Variants in CDH13 observed in about 807,000 individuals in gnomAD.
CDH13 encodes the protein cadherin-13.
A neutral mutation model predicts 63.8 loss-of-function variants in CDH13; 24 were observed. The observed-to-expected ratio is 0.38, with a 90% CI of 0.27 to 0.53. The LOEUF is 0.53. Among genes scored for constraint, CDH13 ranks in the 20% least tolerant of loss-of-function variants. CDH13 has a pLI of 0.85. For missense variants in CDH13, 1,049 were observed against 903.1 expected, an observed-to-expected ratio of 1.16 and a Z score of -2.07; for synonymous variants, 503 against 355.3, an observed-to-expected ratio of 1.42 and a Z score of -4.67.
At chr16:83,234,508 C>T (rs1449373252) in intron 5 of CDH13, among the ~76,000 whole-genome samples, 3 of 152,136 alleles carry the variant, frequency 2.0e-5, no homozygotes, top group African/African-American at 7.2e-5. Context: ...ACCTAGGCAG[C>T]TCCAAGTCCA....
chr16:82,895,338 C>G (rs928555285), intron 2 of CDH13, among the ~76,000 whole-genome samples: 3 of 152,190 alleles, frequency 2.0e-5, no homozygotes, highest in Admixed American at 6.5e-5. Flanking sequence ...GTTACCCTCC[C>G]TCCTTCATCA....
intron 2 of CDH13, among the ~76,000 whole-genome samples, chr16:83,005,121 A>T (rs1461278353): frequency 6.6e-6 from 1 of 152,194 alleles, no homozygotes; most frequent in Non-Finnish European, 1.5e-5. Context: ...CTAAGTAGCC[A>T]GGTACCTGAA....
Position 83,679,167 on chromosome 16 carries a change from G to A in CDH13, c.1538+706G>A, listed in dbSNP as rs1437269973. Among the ~76,000 whole-genome samples, 3 of 152,146 alleles carry A rather than the reference G, an allele frequency of 2.0e-5. No individual in the cohort carries two copies. In the East Asian group the frequency reaches 5.8e-4, roughly 29 times the overall value. On this transcript the variant is annotated intron_variant, in intron 10 of 13. Coordinates refer to ENST00000567109, the MANE Select transcript of CDH13 (RefSeq NM_001257.5). ...GCTCTGCCCAGTGCTTAGATAGAAA[G>A]CATTTTCGTAATGAGATTTAATTAA...
chr16:82,781,413 T>C (rs2044173820), intron 1 of CDH13, among the ~76,000 whole-genome samples: 1 of 152,118 alleles, frequency 6.6e-6, no homozygotes, highest in Non-Finnish European at 1.5e-5. Context: ...ATAAGCTTTT[T>C]TGTTGTGTAC....
chr16:82,951,950 G>A (rs561232645), intron 2 of CDH13, among the ~76,000 whole-genome samples: 2 of 152,248 alleles, frequency 1.3e-5, no homozygotes, highest in South Asian at 2.1e-4. Flanking sequence ...TTTAGTGCAA[G>A]GTTTACAAGA....
At chr16:83,061,807 C>T (rs146497247) in intron 3 of CDH13, among the ~76,000 whole-genome samples, 89 of 152,278 alleles carry the variant, frequency 5.8e-4, no homozygotes, top group Non-Finnish European at 9.3e-4. Flanking sequence ...TCTCAGTCTC[C>T]CAGCAAAATT....
At chr16:82,793,688 C>T (rs1373159481) in intron 1 of CDH13, among the ~76,000 whole-genome samples, 2 of 152,142 alleles carry the variant, frequency 1.3e-5, no homozygotes, top group Non-Finnish European at 1.5e-5. Context: ...CAGCCTCCTT[C>T]CTCTTGTCTG....
intron 7 of CDH13, among the ~76,000 whole-genome samples, chr16:83,534,949 A>C (rs1009234786): frequency 1.3e-5 from 2 of 152,280 alleles, no homozygotes; most frequent in Admixed American, 1.3e-4. Flanking sequence ...TTTATAGGAC[A>C]ATCTGAAGAA....
chr16:83,417,605 A>G (rs530073802), intron 6 of CDH13, among the ~76,000 whole-genome samples: 19 of 152,334 alleles, frequency 1.2e-4, no homozygotes, highest in Admixed American at 6.5e-4. Context: ...TGCAGCAAAC[A>G]AACACTTCAG....
chr16:82,927,551 C>G (rs890337199), intron 2 of CDH13, among the ~76,000 whole-genome samples: 2 of 152,200 alleles, frequency 1.3e-5, no homozygotes, highest in African/African-American at 4.8e-5. Flanking sequence ...CTTCCTATAA[C>G]TATTTTTCTT....
In CDH13 at chr16:83,146,206, A is replaced by AAG. The variant is rs1555603448; in HGVS notation, c.483+20706_483+20707insGA. On this transcript the variant is annotated intron_variant, in intron 4 of 13. Transcript: ENST00000567109. ...AAGACTCTGTCTCAAAAAAAAAAAA[A>AAG]AAAAGAAAAGAAAAGGAAGGAGGGA... Among the ~76,000 whole-genome samples the AAG allele has an allele frequency of 6.8e-5, 10 of 147,844 alleles. No homozygotes were observed. In the South Asian group the frequency reaches 1.5e-3, roughly 22 times the overall value.
chr16:83,761,637 G>A (rs11860890), intron 11 of CDH13, among the ~76,000 whole-genome samples: 6,510 of 152,256 alleles, frequency 0.043, 496 homozygotes, highest in African/African-American at 0.15. Flanking sequence ...AGACTGGCAC[G>A]AGAGTAGGTG....
intron 8 of CDH13, among the ~76,000 whole-genome samples, chr16:83,605,690 T>G (rs1908262529): frequency 6.6e-6 from 1 of 152,168 alleles, no homozygotes; most frequent in Middle Eastern, 3.2e-3. Context: ...AAGGCCATGA[T>G]GAAGAAGAAG....
At chr16:83,760,558 A>C (rs554763637) in intron 11 of CDH13, among the ~76,000 whole-genome samples, 1 of 152,346 alleles carries the variant, frequency 6.6e-6, no homozygotes, top group African/African-American at 2.4e-5. Context: ...TCTCACAAAC[A>C]TAGTGTGCAG....
At chr16:83,005,700 C>T (rs1913418763) in intron 2 of CDH13, among the ~76,000 whole-genome samples, 1 of 152,156 alleles carries the variant, frequency 6.6e-6, no homozygotes, top group Admixed American at 6.5e-5. Flanking sequence ...CCAGAAGTAC[C>T]CTAATTGGTT....
chr16:82,769,327 A>G (rs190993602), intron 1 of CDH13, among the ~76,000 whole-genome samples: 1 of 152,316 alleles, frequency 6.6e-6, no homozygotes, highest in Admixed American at 6.5e-5. Flanking sequence ...TCACAGTGCA[A>G]TCCTAATTAT....
At chr16:83,400,564 A>G (rs1330729917) in intron 6 of CDH13, among the ~76,000 whole-genome samples, 1 of 152,184 alleles carries the variant, frequency 6.6e-6, no homozygotes, top group Non-Finnish European at 1.5e-5. Flanking sequence ...AGCAAAAGTA[A>G]TTGCAGTTTT....
intron 3 of CDH13, among the ~76,000 whole-genome samples, chr16:83,084,758 A>G (rs2086344333): frequency 2.0e-5 from 3 of 152,074 alleles, no homozygotes; most frequent in African/African-American, 7.2e-5. Context: ...GTGTGGTGGC[A>G]GCACCTGTAA....
intron 5 of CDH13, among the ~76,000 whole-genome samples, chr16:83,256,399 C>G (rs902763279): frequency 2.6e-5 from 4 of 152,054 alleles, no homozygotes; most frequent in Non-Finnish European, 5.9e-5. Flanking sequence ...CGTCAGGACC[C>G]AACCTTGTCT....
Sources: gnomAD v4.1 joint callset for allele counts (sites outside exome capture counted in the v4.1 genomes callset) on GRCh38, gnomAD v4.1.1 for gene constraint, MANE v1.5 for transcripts, NCBI Gene and HGNC (gene_info 2026-07-23, HGNC 2026-07-21) for gene names.